HHAT: variants seen among roughly 807,000 people sequenced by gnomAD.
HHAT encodes the protein hedgehog acyltransferase.
A neutral mutation model predicts 70.8 loss-of-function variants in HHAT; 47 were observed. That is an observed-to-expected ratio of 0.66 (90% confidence interval 0.53 to 0.85). HHAT has a LOEUF of 0.85. HHAT is among the 40% of genes least tolerant of loss of function. HHAT has a pLI of 0.00. For synonymous variants in HHAT, 228 were observed against 247.6 expected (o/e 0.92, Z 0.74); for missense variants, 609 against 604.8 (o/e 1.01, Z -0.07).
At chr1:210,579,414 C>G (rs1468995661) in intron 9 of HHAT, among the ~76,000 whole-genome samples, 1 of 152,096 alleles carries the variant, frequency 6.6e-6, no homozygotes, top group African/African-American at 2.4e-5. Context: ...TGAAGAATTT[C>G]TAGAGATCCA....
Position 210,588,376 on chromosome 1 carries a change from A to T in HHAT, c.1245+277A>T, listed in dbSNP as rs543557640. On this transcript the variant is annotated intron_variant, in intron 10 of 11. Transcript: ENST00000261458. ...ACAAGAAAATAACCTCTCAACAGAA[A>T]CCATGTTAAGATCCATTCTTCTAAA... The T allele has an allele frequency of 1.2e-5, 4 of 343,708 alleles. No homozygotes were observed. In the East Asian group the frequency reaches 2.1e-4, roughly 18 times the overall value. 21.3% of individuals were successfully genotyped at this position (343,708 alleles called of 1,614,324 possible).
chr1:210,465,423 T>C (rs373463056), intron 8 of HHAT, among the ~76,000 whole-genome samples: 62 of 152,302 alleles, frequency 4.1e-4, no homozygotes, highest in Non-Finnish European at 7.6e-4. Context: ...AGGATTGAGT[T>C]TGCAATTGAA....
chr1:210,546,612 C>G (rs934832103), intron 9 of HHAT, among the ~76,000 whole-genome samples: 1 of 152,114 alleles, frequency 6.6e-6, no homozygotes, highest in Non-Finnish European at 1.5e-5. Flanking sequence ...GAGGAACCTC[C>G]ACATGGCTTT....
chr1:210,461,876 T>C (rs749417319), intron 7 of HHAT, among the ~76,000 whole-genome samples: 17 of 152,234 alleles, frequency 1.1e-4, no homozygotes, highest in Non-Finnish European at 2.2e-4. Flanking sequence ...CTTGTATGAC[T>C]TCTTGTGCTT....
intron 8 of HHAT, among the ~76,000 whole-genome samples, chr1:210,471,351 G>A (rs2094201033): frequency 1.3e-5 from 2 of 152,070 alleles, no homozygotes; most frequent in African/African-American, 4.8e-5. Context: ...AAGAGTGTTT[G>A]CCTTTCTTAC....
rs368521125 is a variant in HHAT at position 210,417,805 on chromosome 1, C to T, written c.685-349C>T. Among the ~76,000 whole-genome samples the T allele has an allele frequency of 2.2e-3, 340 of 152,150 alleles. 2 individuals are homozygous for T. Among genetic ancestry groups the T allele is most frequent in the African/African-American group, 7.2e-3 (301 of 41,520 alleles). ...TTCAGGCAGGGTGGCACCTGTAGCC[C>T]GAAACTCCAAATTCCCAGTGGGGAA... On this transcript the variant is annotated intron_variant, in intron 6 of 11. Transcript: ENST00000261458.
chr1:210,333,128 G>T (rs1057127645), intron 1 of HHAT, among the ~76,000 whole-genome samples: 1 of 152,192 alleles, frequency 6.6e-6, no homozygotes, highest in African/African-American at 2.4e-5. Context: ...CAACTCACTT[G>T]CCACTATAAA....
chr1:210,540,165 A>G (rs543547578), intron 9 of HHAT, among the ~76,000 whole-genome samples: 1 of 152,110 alleles, frequency 6.6e-6, no homozygotes, highest in South Asian at 2.1e-4. Flanking sequence ...CTTTTTCACA[A>G]TAGCATCTGG....
At chr1:210,605,335 G>A (rs982286998) in intron 10 of HHAT, among the ~76,000 whole-genome samples, 1 of 152,130 alleles carries the variant, frequency 6.6e-6, no homozygotes, top group Non-Finnish European at 1.5e-5. Context: ...AAGCTTCCTG[G>A]ATTTCAGACT....
At chr1:210,361,571 C>T (rs1432998885) in intron 2 of HHAT, among the ~76,000 whole-genome samples, 1 of 151,512 alleles carries the variant, frequency 6.6e-6, no homozygotes, top group Non-Finnish European at 1.5e-5. Flanking sequence ...TGAATCTGCC[C>T]CTTGATCCTA....
chr1:210,337,518 T>C (rs770183804), intron 1 of HHAT, among the ~76,000 whole-genome samples: 3 of 152,318 alleles, frequency 2.0e-5, no homozygotes, highest in Non-Finnish European at 4.4e-5. Context: ...AACAATCTTT[T>C]TGTTGTCGTT....
At chr1:210,532,873 TA>T (rs779819266) in intron 9 of HHAT, among the ~76,000 whole-genome samples, 8 of 152,178 alleles carry the variant, frequency 5.3e-5, no homozygotes, top group African/African-American at 1.7e-4. Flanking sequence ...GAAAGAGTCC[TA>T]GGGGGCAATG....
intron 9 of HHAT, among the ~76,000 whole-genome samples, chr1:210,571,929 C>T (rs1656371528): frequency 1.3e-5 from 2 of 152,196 alleles, no homozygotes; most frequent in Admixed American, 6.5e-5. Context: ...CTCTAATGTG[C>T]ACTCAAGACT....
chr1:210,521,516 CAG>C (rs1319907923), intron 9 of HHAT, among the ~76,000 whole-genome samples: 2 of 152,124 alleles, frequency 1.3e-5, no homozygotes, highest in East Asian at 3.9e-4. Flanking sequence ...TTGTGAATGA[CAG>C]GGTAATTTTT....
intron 3 of HHAT, among the ~76,000 whole-genome samples, chr1:210,379,766 T>C (rs764377770): frequency 4.6e-5 from 7 of 152,238 alleles, no homozygotes; most frequent in Non-Finnish European, 8.8e-5. Context: ...GACATAATAC[T>C]TCATACATTC....
At chr1:210,467,870 G>A (rs2094135951) in intron 8 of HHAT, among the ~76,000 whole-genome samples, 1 of 152,138 alleles carries the variant, frequency 6.6e-6, no homozygotes, top group African/African-American at 2.4e-5. Flanking sequence ...TTAGCATTGA[G>A]AGACTTGAAG....
At chr1:210,486,253 A>T (rs990991743) in intron 8 of HHAT, among the ~76,000 whole-genome samples, 1 of 152,180 alleles carries the variant, frequency 6.6e-6, no homozygotes, top group Non-Finnish European at 1.5e-5. Context: ...TAAGGACATA[A>T]AAACAAAGTA....
chr1:210,348,878 G>GAT, intron 1 of HHAT, 55 bp from the exon 2 acceptor site: 7 of 1,516,530 alleles, frequency 4.6e-6, no homozygotes, highest in Non-Finnish European at 6.2e-6. Flanking sequence ...TTGATGTTTA[G>GAT]ATGCTGTTCT....
chr1:210,597,332 C>T (rs147165663), intron 10 of HHAT, among the ~76,000 whole-genome samples: 4 of 152,292 alleles, frequency 2.6e-5, no homozygotes, highest in African/African-American at 9.6e-5. Context: ...TACTGCCTGG[C>T]TACCACCTAT....
Sources: allele counts gnomAD v4.1 joint callset (sites outside exome capture counted in the v4.1 genomes callset), GRCh38; gene constraint gnomAD v4.1.1; transcripts MANE v1.5; gene names NCBI Gene and HGNC (gene_info 2026-07-23, HGNC 2026-07-21).